LRIF1: variants seen among roughly 807,000 people sequenced by gnomAD.
LRIF1 encodes the protein ligand-dependent nuclear receptor-interacting factor 1.
Under a neutral mutation model 52.7 loss-of-function variants are expected in LRIF1, and 32 were observed. The ratio of observed to expected loss-of-function variants is 0.61; its 90% CI spans 0.46 to 0.82. The LOEUF (loss-of-function observed/expected upper bound fraction) is 0.82, where lower values mean the gene tolerates loss of function less well. LRIF1 is among the 40% of genes least tolerant of loss of function. The pLI, the probability that LRIF1 is intolerant of heterozygous loss-of-function variation, is 0.00. For missense variants in LRIF1, 887 were observed against 892.0 expected, an observed-to-expected ratio of 0.99 and a Z score of 0.07; for synonymous variants, 323 against 317.4, an observed-to-expected ratio of 1.02 and a Z score of -0.19.
In LRIF1 at chr1:110,958,180, A is replaced by G. The variant is rs1007708295; in HGVS notation, c.69-5365T>C. On this transcript the variant is annotated intron_variant, in intron 1 of 3. Transcript: ENST00000369763. The stretch of plus-strand genomic sequence containing the variant: ...CAATCTCTACAACAATACCACCCAC[A>G]ACTTCTCAATGTGAAATCTCTGCTC... Among the ~76,000 whole-genome samples the G allele has an allele frequency of 4.6e-5, 7 of 152,302 alleles. No homozygotes were observed. The East Asian group carries it at 1.3e-3, about 29-fold the overall frequency.
the LRIF1 span, among the ~76,000 whole-genome samples, chr1:110,904,051 G>A: frequency 6.6e-6 from 1 of 152,226 alleles, no homozygotes. Flanking sequence ...CCTTTGGAAA[G>A]GGGAGGGAAG....
the LRIF1 span, chr1:110,937,147 C>G: frequency 6.6e-6 from 1 of 152,032 alleles, no homozygotes; most frequent in East Asian, 1.9e-4. Context: ...CTTGAACACC[C>G]AATATTCAGC....
At chr1:110,932,028 T>G in the LRIF1 span, among the ~76,000 whole-genome samples, 1 of 152,340 alleles carries the variant, frequency 6.6e-6, no homozygotes, top group South Asian at 2.1e-4. Flanking sequence ...TTGCCATTGC[T>G]TTTGGTGTTT....
chr1:110,917,739 GA>G, the LRIF1 span, among the ~76,000 whole-genome samples: 27 of 150,978 alleles, frequency 1.8e-4, 1 homozygote, highest in Middle Eastern at 6.8e-3. Context: ...ATGTGCTATG[GA>G]AAAAAATTAG....
At chr1:110,878,774 T>C in the LRIF1 span, among the ~76,000 whole-genome samples, 1 of 152,348 alleles carries the variant, frequency 6.6e-6, no homozygotes, top group South Asian at 2.1e-4. Flanking sequence ...TTGCCTTTTA[T>C]TGCTGGGATT....
chr1:110,902,111 C>T, the LRIF1 span, among the ~76,000 whole-genome samples: 2 of 152,184 alleles, frequency 1.3e-5, no homozygotes, highest in Non-Finnish European at 2.9e-5. Flanking sequence ...CACCATTGGC[C>T]CTTATCTACA....
the LRIF1 span, chr1:110,892,403 G>A: frequency 6.2e-6 from 10 of 1,614,008 alleles, no homozygotes; most frequent in Non-Finnish European, 8.5e-6. Context: ...AACAACTTCG[G>A]AGTGCTCTTC....
chr1:110,923,980 T>C, the LRIF1 span, among the ~76,000 whole-genome samples: 108,582 of 151,908 alleles, frequency 0.71, 39,765 homozygotes, highest in East Asian at 0.89. Flanking sequence ...AAAATGAAAT[T>C]TTCTGGTAAG....
the LRIF1 span, among the ~76,000 whole-genome samples, chr1:110,879,802 A>C: frequency 6.6e-6 from 1 of 152,112 alleles, no homozygotes; most frequent in Admixed American, 6.5e-5. Context: ...TCCTAGGCTC[A>C]AGGGCTTCTC....
the LRIF1 span, chr1:110,894,256 C>A: frequency 7.4e-7 from 1 of 1,354,830 alleles, no homozygotes; most frequent in Non-Finnish European, 1.1e-6. Flanking sequence ...CCCCTGGATG[C>A]TCCCAGAGCT....
downstream of LRIF1, among the ~76,000 whole-genome samples, chr1:110,946,362 T>C (rs1658204205): frequency 6.6e-6 from 1 of 152,134 alleles, no homozygotes; most frequent in South Asian, 2.1e-4. Context: ...TGCTAATGGG[T>C]ATAAGGTTTG....
chr1:110,962,910 C>T (rs1234170835), intron 1 of LRIF1, among the ~76,000 whole-genome samples: 2 of 150,718 alleles, frequency 1.3e-5, no homozygotes, highest in Non-Finnish European at 3.0e-5. Flanking sequence ...CCTTGTAATA[C>T]AATTTAAAAA....
At chr1:110,904,189 G>C in the LRIF1 span, among the ~76,000 whole-genome samples, 1 of 152,214 alleles carries the variant, frequency 6.6e-6, no homozygotes, top group Admixed American at 6.5e-5. Flanking sequence ...AACCACCCAG[G>C]GTCTAGAGGG....
the LRIF1 span, among the ~76,000 whole-genome samples, chr1:110,913,923 A>G: frequency 6.6e-6 from 1 of 152,248 alleles, no homozygotes; most frequent in Non-Finnish European, 1.5e-5. Context: ...TAGATAAAGA[A>G]AATGTGGTAC....
the LRIF1 span, among the ~76,000 whole-genome samples, chr1:110,911,804 AC>A: frequency 6.6e-6 from 1 of 152,050 alleles, no homozygotes; most frequent in Admixed American, 6.5e-5. Context: ...AAAAATTAAC[AC>A]CCCTTCATAT....
the LRIF1 span, among the ~76,000 whole-genome samples, chr1:110,922,883 A>G: frequency 1.3e-5 from 2 of 152,212 alleles, no homozygotes; most frequent in Non-Finnish European, 2.9e-5. Flanking sequence ...GGTCTTGGCC[A>G]CATCACTCCA....
the LRIF1 span, among the ~76,000 whole-genome samples, chr1:110,926,810 G>T: frequency 6.6e-6 from 1 of 152,156 alleles, no homozygotes; most frequent in African/African-American, 2.4e-5. Context: ...GATCAAGAAT[G>T]TCAAGATACT....
At chr1:110,941,434 T>C in the LRIF1 span, 1 of 152,070 alleles carries the variant, frequency 6.6e-6, no homozygotes, top group Admixed American at 6.6e-5. Flanking sequence ...TTATCTACAA[T>C]ATATGTACTT....
chr1:110,947,403 T>G lies in LRIF1; in HGVS notation c.*556A>C, dbSNP rs1466555112. Reference sequence around the variant, plus strand: ...TACATTGTAAAGTTACAAATGTTGCTCATTCTTGAGAAATGTTTGAATGTT... The same window carrying G: ...TACATTGTAAAGTTACAAATGTTGCGCATTCTTGAGAAATGTTTGAATGTT... On this transcript the variant is annotated 3_prime_UTR_variant, in exon 4 of 4. Transcript: ENST00000369763. The G allele has an allele frequency of 6.6e-6, 1 of 152,176 alleles. No individual in the cohort carries two copies. The highest frequency in any genetic ancestry group is 2.4e-5 in the African/African-American group (1 of 41,428). The allele number at this position is 152,176 out of a possible 1,614,324, so 9.4% of individuals were successfully genotyped here. A position where few individuals can be genotyped will look rare whatever the true frequency, so the allele number is the denominator to read the frequency against.
Sources: gnomAD v4.1 joint callset for allele counts (sites outside exome capture counted in the v4.1 genomes callset) on GRCh38, gnomAD v4.1.1 for gene constraint, MANE v1.5 for transcripts, NCBI Gene and HGNC (gene_info 2026-07-23, HGNC 2026-07-21) for gene names.